The following IFT57 variants were observed in gnomAD, a reference collection of about 807,000 sequenced individuals.
The protein encoded by IFT57 is intraflagellar transport 57, also known as intraflagellar transport protein 57 homolog.
In IFT57, 59 loss-of-function variants were observed where a neutral mutation model predicts 56.8. The ratio of observed to expected loss-of-function variants is 1.04; its 90% CI spans 0.84 to 1.29. IFT57 has a LOEUF of 1.29. IFT57 is among the 50% of genes most tolerant of loss of function. The pLI, the probability that IFT57 is intolerant of heterozygous loss-of-function variation, is 0.00. For missense variants in IFT57, 470 were observed against 522.1 expected (o/e 0.90, Z 0.97); for synonymous variants, 209 against 186.1 (o/e 1.12, Z -1.00).
chr3:108,218,701 A>G, intron 2 of IFT57, 48 bp from the exon 3 acceptor site: 2 of 866,860 alleles, frequency 2.3e-6, no homozygotes, highest in Non-Finnish European at 3.5e-6. Flanking sequence ...GTTATACTCC[A>G]AATGTCAAAT....
At chr3:108,171,374 A>G (rs893208437) in intron 6 of IFT57, among the ~76,000 whole-genome samples, 3 of 151,892 alleles carry the variant, frequency 2.0e-5, no homozygotes, top group African/African-American at 7.2e-5. Context: ...AGTTTGACGT[A>G]AAGAAAGGGG....
intron 5 of IFT57, among the ~76,000 whole-genome samples, chr3:108,203,463 T>C (rs1576045484): frequency 6.6e-6 from 1 of 152,324 alleles, no homozygotes; most frequent in East Asian, 1.9e-4. Flanking sequence ...AAGAGCATGC[T>C]TCTCAAGGTC....
intron 6 of IFT57, among the ~76,000 whole-genome samples, chr3:108,179,706 A>T (rs1335237477): frequency 2.0e-5 from 3 of 152,014 alleles, no homozygotes; most frequent in African/African-American, 7.2e-5. Flanking sequence ...ATAACTTTTT[A>T]AAAATGAGAT....
At chr3:108,169,528 G>A (rs2080081747) in intron 6 of IFT57, among the ~76,000 whole-genome samples, 1 of 151,976 alleles carries the variant, frequency 6.6e-6, no homozygotes, top group Admixed American at 6.6e-5. Flanking sequence ...TGTTGCCATT[G>A]CTTTTGGTGT....
chr3:108,213,896 G>A (rs762543544), intron 4 of IFT57, 35 bp downstream of exon 4: 2 of 1,279,328 alleles, frequency 1.6e-6, no homozygotes, highest in South Asian at 1.2e-5. Context: ...TGGCCGAAAG[G>A]TGAAAATGAA....
At chr3:108,166,436 T>G (rs1377483780) in intron 8 of IFT57, among the ~76,000 whole-genome samples, 4 of 151,388 alleles carry the variant, frequency 2.6e-5, no homozygotes, top group Admixed American at 6.6e-5. Flanking sequence ...CATTCCTTAT[T>G]ATGTGGTTGT....
intron 1 of IFT57, 119 bp downstream of exon 1, chr3:108,221,992 G>A: frequency 6.7e-7 from 1 of 1,490,026 alleles, no homozygotes; most frequent in Non-Finnish European, 9.0e-7. Flanking sequence ...CCCTGGCTAG[G>A]AAGACGGAGG....
chr3:108,198,483 C>T (rs1023095377), intron 5 of IFT57, among the ~76,000 whole-genome samples: 1 of 152,032 alleles, frequency 6.6e-6, no homozygotes, highest in African/African-American at 2.4e-5. Context: ...GCTCTGTCAC[C>T]CAGGTTGGAG....
chr3:108,179,831 C>G (rs1343162765), intron 6 of IFT57, among the ~76,000 whole-genome samples: 1 of 151,804 alleles, frequency 6.6e-6, no homozygotes, highest in African/African-American at 2.4e-5. Flanking sequence ...AGCTTAAAGT[C>G]TTCTATGGTA....
intron 6 of IFT57, among the ~76,000 whole-genome samples, chr3:108,190,034 G>A (rs2080206495): frequency 6.6e-6 from 1 of 152,166 alleles, no homozygotes; most frequent in African/African-American, 2.4e-5. Context: ...GAGGCAGAAG[G>A]GGAAGAGGAG....
chr3:108,216,257 C>A (rs1385675153), intron 3 of IFT57, among the ~76,000 whole-genome samples: 1 of 152,108 alleles, frequency 6.6e-6, no homozygotes, highest in Non-Finnish European at 1.5e-5. Flanking sequence ...GAAATTCAAG[C>A]AACTCAATAG....
At chr3:108,174,127 T>G (rs2080111252) in intron 6 of IFT57, among the ~76,000 whole-genome samples, 1 of 151,308 alleles carries the variant, frequency 6.6e-6, no homozygotes, top group South Asian at 2.1e-4. Context: ...ATAAGGAAAT[T>G]GTATTACTTT....
chr3:108,176,325 A>C (rs181723677), intron 6 of IFT57, among the ~76,000 whole-genome samples: 1 of 151,920 alleles, frequency 6.6e-6, no homozygotes. Flanking sequence ...GAAATCCTAT[A>C]CCTCCATTTC....
chr3:108,165,096 A>G (rs566967074), intron 9 of IFT57, among the ~76,000 whole-genome samples: 1 of 152,208 alleles, frequency 6.6e-6, no homozygotes, highest in African/African-American at 2.4e-5. Context: ...ACTAACGTTA[A>G]AATTTGTTAT....
In IFT57 at chr3:108,192,137, A is replaced by G. The variant is rs187016345; in HGVS notation, c.655-494T>C. Among the ~76,000 whole-genome samples, 8 of 142,500 alleles carry G rather than the reference A, an allele frequency of 5.6e-5. No individual in the cohort carries two copies. The East Asian group carries it at 1.7e-3, about 30-fold the overall frequency. 93.5% of individuals were successfully genotyped at this position (142,500 alleles called of 152,430 possible). A position where few individuals can be genotyped will look rare whatever the true frequency, so the allele number is the denominator to read the frequency against. Reference sequence around the variant, plus strand: ...CAGTGAGCCAAGATCATGCTACTGCACTACTCCAGCCTGGGTGACAGAGCG... The same window carrying G: ...CAGTGAGCCAAGATCATGCTACTGCGCTACTCCAGCCTGGGTGACAGAGCG... On this transcript the variant is annotated intron_variant, in intron 5 of 10. Coordinates refer to ENST00000264538, the MANE Select transcript of IFT57 (RefSeq NM_018010.4).
chr3:108,178,296 T>A (rs1017138441), intron 6 of IFT57, among the ~76,000 whole-genome samples: 1 of 151,840 alleles, frequency 6.6e-6, no homozygotes, highest in African/African-American at 2.4e-5. Context: ...TTAGATGGAT[T>A]GCAAATCTTC....
intron 4 of IFT57, among the ~76,000 whole-genome samples, chr3:108,208,612 C>A (rs1047614962): frequency 6.6e-6 from 1 of 152,172 alleles, no homozygotes; most frequent in Admixed American, 6.5e-5. Context: ...CCCCTAGTAG[C>A]CCACTAGCAA....
intron 7 of IFT57, 63 bp downstream of exon 7, chr3:108,167,730 C>T: frequency 1.7e-6 from 2 of 1,144,300 alleles, no homozygotes; most frequent in Admixed American, 2.5e-5. Flanking sequence ...TTCATGTTCT[C>T]TTATAACAGG....
intron 3 of IFT57, among the ~76,000 whole-genome samples, chr3:108,216,957 T>C (rs1044990637): frequency 6.6e-6 from 1 of 151,848 alleles, no homozygotes; most frequent in East Asian, 1.9e-4. Context: ...TAGGGAGAAG[T>C]TGGTCAAAGT....
Sources: gnomAD v4.1 joint callset for allele counts (sites outside exome capture counted in the v4.1 genomes callset) on GRCh38, gnomAD v4.1.1 for gene constraint, MANE v1.5 for transcripts, NCBI Gene and HGNC (gene_info 2026-07-23, HGNC 2026-07-21) for gene names.